AKAP6: variants seen among roughly 807,000 people sequenced by gnomAD.
The protein encoded by AKAP6 is A-kinase anchoring protein 6.
In AKAP6, 58 loss-of-function variants were observed where a neutral mutation model predicts 188.5. The ratio of observed to expected loss-of-function variants is 0.31; its 90% CI spans 0.25 to 0.38. AKAP6 has a LOEUF of 0.38. AKAP6 is among the 10% of genes least tolerant of loss of function. The pLI, the probability that AKAP6 is intolerant of heterozygous loss-of-function variation, is 1.00. For missense variants in AKAP6, 2,710 were observed against 2,740.0 expected (o/e 0.99, Z 0.24); for synonymous variants, 989 against 998.6 (o/e 0.99, Z 0.18).
chr14:32,492,267 T>C (rs2138949170), intron 2 of AKAP6, among the ~76,000 whole-genome samples: 2 of 150,838 alleles, frequency 1.3e-5, no homozygotes, highest in East Asian at 3.9e-4. Context: ...CTGGGTTAGG[T>C]GTCCCTCCTC....
At chr14:32,449,173 T>C (rs1377213181) in intron 2 of AKAP6, among the ~76,000 whole-genome samples, 1 of 152,182 alleles carries the variant, frequency 6.6e-6, no homozygotes, top group African/African-American at 2.4e-5. Flanking sequence ...TAAAAATTAA[T>C]GTCATTGGGA....
At chr14:32,797,960 C>A in intron 12 of AKAP6, among the ~76,000 whole-genome samples, 1 of 146,076 alleles carries the variant, frequency 6.8e-6, no homozygotes, top group African/African-American at 2.5e-5. Flanking sequence ...GAGCAAACAA[C>A]CTACAGAATT....
At chr14:32,443,428 A>G (rs1254026900) in intron 2 of AKAP6, among the ~76,000 whole-genome samples, 2 of 151,902 alleles carry the variant, frequency 1.3e-5, no homozygotes, top group African/African-American at 4.8e-5. Flanking sequence ...CAAAAAAACA[A>G]AAAAACCCCA....
At chr14:32,445,371 C>T (rs186774936) in intron 2 of AKAP6, among the ~76,000 whole-genome samples, 7 of 151,810 alleles carry the variant, frequency 4.6e-5, no homozygotes, top group East Asian at 1.9e-4. Context: ...TGTGGGTTTC[C>T]GGTTCTTTTC....
chr14:32,800,061 C>CTATATA (rs1555363776), intron 12 of AKAP6, among the ~76,000 whole-genome samples: 16 of 136,940 alleles, frequency 1.2e-4, no homozygotes, highest in South Asian at 2.3e-4. Flanking sequence ...CTCTCTCTCT[C>CTATATA]TATATATATA....
chr14:32,332,170 A>T (rs918296729), intron 1 of AKAP6, among the ~76,000 whole-genome samples: 10 of 152,104 alleles, frequency 6.6e-5, no homozygotes, highest in Non-Finnish European at 1.5e-4. Flanking sequence ...AAGGTTATGT[A>T]GTTAATAAGT....
intron 1 of AKAP6, among the ~76,000 whole-genome samples, chr14:32,388,611 A>G (rs113010793): frequency 0.018 from 2,788 of 152,180 alleles, 86 homozygotes; most frequent in African/African-American, 0.062. Flanking sequence ...TTTTGATCCA[A>G]TGATCACTCA....
At position 32,344,377 on chromosome 14, in the gene AKAP6, C is replaced by T. The variant is rs372138458; in HGVS notation, c.-35+14969C>T. 9.2e-5 allele frequency among the ~76,000 whole-genome samples: 14 copies of T among 152,316 alleles called. No homozygotes were observed. In the South Asian group the frequency reaches 1.5e-3, roughly 16 times the overall value. On this transcript the variant is annotated intron_variant, in intron 1 of 13. Transcript: ENST00000280979. ...TTGTGCCATGATTGTGCAGAACATACGTAGCTGAGCAAGATAATGGGGAGT... is the reference window on the plus strand; with the variant it reads ...TTGTGCCATGATTGTGCAGAACATATGTAGCTGAGCAAGATAATGGGGAGT...
Position 32,729,664 on chromosome 14 carries a change from TTAA to T in AKAP6, c.3001-2785_3001-2783del, listed in dbSNP as rs528576237. On this transcript the variant is annotated intron_variant, in intron 9 of 13. Transcript: ENST00000280979. ...AATTGAATTGGCCAAGCAAATACACTTAATAATGTAAATATGGCCTTTCAAGAG... is the reference window on the plus strand; with the variant it reads ...AATTGAATTGGCCAAGCAAATACACTTAATGTAAATATGGCCTTTCAAGAG... Among the ~76,000 whole-genome samples, 345 of 152,282 alleles carry T rather than the reference TTAA, an allele frequency of 2.3e-3. 3 individuals carry two copies. The highest frequency in any genetic ancestry group is 7.5e-3 in the African/African-American group (312 of 41,562).
chr14:32,661,118 G>C (rs1888681128), intron 7 of AKAP6, among the ~76,000 whole-genome samples: 1 of 151,914 alleles, frequency 6.6e-6, no homozygotes, highest in Non-Finnish European at 1.5e-5. Flanking sequence ...AGGTCAGAAG[G>C]AACAGGGATA....
At chr14:32,745,002 T>C (rs2031835465) in intron 11 of AKAP6, among the ~76,000 whole-genome samples, 1 of 152,176 alleles carries the variant, frequency 6.6e-6, no homozygotes, top group Admixed American at 6.5e-5. Flanking sequence ...CTGAATTCCT[T>C]CTCTGTGTTA....
intron 9 of AKAP6, among the ~76,000 whole-genome samples, chr14:32,712,027 CTT>C (rs1221667896): frequency 3.3e-5 from 5 of 151,946 alleles, no homozygotes; most frequent in Admixed American, 2.6e-4. Context: ...AATTTTAAGA[CTT>C]AATTTCACAG....
intron 1 of AKAP6, among the ~76,000 whole-genome samples, chr14:32,380,036 A>G (rs887521793): frequency 6.6e-6 from 1 of 152,056 alleles, no homozygotes; most frequent in Middle Eastern, 3.4e-3. Context: ...AATGTTGCAA[A>G]TTTTCTTCTT....
intron 7 of AKAP6, among the ~76,000 whole-genome samples, chr14:32,609,763 T>A (rs748778681): frequency 3.3e-5 from 5 of 152,036 alleles, no homozygotes; most frequent in Non-Finnish European, 1.5e-5. Context: ...TGAAATGTGG[T>A]AGAAGCTAAA....
intron 12 of AKAP6, among the ~76,000 whole-genome samples, chr14:32,786,220 G>A (rs915999007): frequency 2.0e-5 from 3 of 150,364 alleles, no homozygotes; most frequent in Non-Finnish European, 4.4e-5. Context: ...TCGCTCTGAG[G>A]ACAGATCTCT....
chr14:32,562,617 G>A (rs779407588), intron 4 of AKAP6, among the ~76,000 whole-genome samples: 31 of 152,202 alleles, frequency 2.0e-4, no homozygotes, highest in African/African-American at 2.6e-4. Context: ...AATTAGCTGC[G>A]TGTGGTGACA....
At chr14:32,565,808 C>T (rs975650375) in intron 4 of AKAP6, among the ~76,000 whole-genome samples, 2 of 152,224 alleles carry the variant, frequency 1.3e-5, no homozygotes, top group Non-Finnish European at 2.9e-5. Flanking sequence ...GGATCAGCTA[C>T]TTGAGAGTTC....
intron 12 of AKAP6, among the ~76,000 whole-genome samples, chr14:32,814,857 T>C (rs1285314748): frequency 6.6e-6 from 1 of 152,098 alleles, no homozygotes; most frequent in Non-Finnish European, 1.5e-5. Context: ...GCCTTACGAG[T>C]AGCTGGGACT....
chr14:32,354,411 T>A (rs1033175559), intron 1 of AKAP6, among the ~76,000 whole-genome samples: 3 of 143,490 alleles, frequency 2.1e-5, no homozygotes, highest in East Asian at 4.2e-4. Flanking sequence ...TTCTGTGAAA[T>A]GGGGATAATT....
Sources: gnomAD v4.1 joint callset for allele counts (sites outside exome capture counted in the v4.1 genomes callset) on GRCh38, gnomAD v4.1.1 for gene constraint, MANE v1.5 for transcripts, NCBI Gene and HGNC (gene_info 2026-07-23, HGNC 2026-07-21) for gene names.